RCC1: variants seen among roughly 807,000 people sequenced by gnomAD.
RCC1 encodes the protein regulator of chromosome condensation.
A neutral mutation model predicts 44.4 loss-of-function variants in RCC1; 11 were observed. That is an observed-to-expected ratio of 0.25 (90% confidence interval 0.16 to 0.41). The LOEUF (loss-of-function observed/expected upper bound fraction) is 0.41, where lower values mean the gene tolerates loss of function less well. Ranked by LOEUF, RCC1 falls within the 10% of genes least tolerant of loss-of-function variation. The pLI is 1.00. For synonymous variants in RCC1, 213 were observed against 216.5 expected, an observed-to-expected ratio of 0.98 and a Z score of 0.14; for missense variants, 386 against 547.1, an observed-to-expected ratio of 0.71 and a Z score of 2.94.
At chr1:28,516,963 A>G (rs1662931629) in intron 4 of RCC1, 96 bp downstream of exon 4, 1 of 427,312 alleles carries the variant, frequency 2.3e-6, no homozygotes, top group Non-Finnish European at 4.7e-6. Context: ...TCTACTAAAA[A>G]TACGAAAATT....
chr1:28,514,761 CAAA>C lies in RCC1; in HGVS notation c.-152-1954_-152-1952del, dbSNP rs139010543. On this transcript the variant is annotated intron_variant, in intron 3 of 12. Transcript: ENST00000683442. ...GGGCAACAAGAGCAAAACTCCATCT[CAAA>C]AAAAAAAAACAATCTTCCGGCTGGG... is the stretch of plus-strand genomic sequence containing the variant. 2.2e-3 allele frequency among the ~76,000 whole-genome samples: 287 copies of C among 132,728 alleles called. 1 individual carries two copies. The highest frequency in any genetic ancestry group is 7.6e-3 in the African/African-American group (270 of 35,684). The allele number at this position is 132,728 out of a possible 152,430, so 87.1% of individuals were successfully genotyped here. A position where few individuals can be genotyped will look rare whatever the true frequency, so the allele number is the denominator to read the frequency against.
intron 4 of RCC1, chr1:28,527,133 G>C: frequency 7.8e-7 from 1 of 1,275,450 alleles, no homozygotes; most frequent in South Asian, 1.2e-5. Flanking sequence ...AGAAGCAGCA[G>C]GCCTGAGGGC....
chr1:28,515,195 CAGG>C (rs1557869238), intron 3 of RCC1, among the ~76,000 whole-genome samples: 4 of 152,156 alleles, frequency 2.6e-5, no homozygotes, highest in South Asian at 4.1e-4. Context: ...GAGGCTGAAA[CAGG>C]AGAATTGCTT....
intron 2 of RCC1, chr1:28,508,571 C>T (rs1462812123): frequency 5.8e-6 from 3 of 518,442 alleles, no homozygotes; most frequent in Non-Finnish European, 1.2e-5. Context: ...AACGTGGATA[C>T]CCTGGGAGGT....
At chr1:28,533,364 G>C (rs971145643) in intron 7 of RCC1, among the ~76,000 whole-genome samples, 2 of 151,830 alleles carry the variant, frequency 1.3e-5, no homozygotes, top group African/African-American at 2.4e-5. Context: ...CCAGCTACTC[G>C]GGAGGCTGAG....
At chr1:28,508,103 A>G in intron 1 of RCC1, 25 bp from the exon 2 acceptor site, 1 of 442,310 alleles carries the variant, frequency 2.3e-6, no homozygotes. Flanking sequence ...TTGCTGTACT[A>G]ATAGATTAAT....
In RCC1 at chr1:28,536,654, A is replaced by G. The variant is rs1664572358; in HGVS notation, c.938-93A>G. On this transcript the variant is annotated intron_variant, in intron 11 of 12. Transcript: ENST00000683442. This position sits in a 1 kb window ranked among gnomAD's most constrained non-coding sequence, Gnocchi z 4.9. ...CTGATCGCTCTGGGAGCAGGGACAC[A>G]CTCCCATGGACAGGTGGACTCACCT... 7.0e-7 allele frequency: 1 copy of G among 1,429,796 alleles called. No individual in the cohort carries two copies. The highest frequency in any genetic ancestry group is 9.6e-7 in the Non-Finnish European group (1 of 1,037,676). The allele number at this position is 1,429,796 out of a possible 1,614,324, so 88.6% of individuals were successfully genotyped here. A position where few individuals can be genotyped will look rare whatever the true frequency, so the allele number is the denominator to read the frequency against.
At chr1:28,524,678 C>G (rs1663530350) in intron 4 of RCC1, among the ~76,000 whole-genome samples, 1 of 152,042 alleles carries the variant, frequency 6.6e-6, no homozygotes, top group African/African-American at 2.4e-5. Context: ...GGCAACATGG[C>G]AAGACGTTGT....
At chr1:28,514,367 A>G (rs557272260) in intron 3 of RCC1, among the ~76,000 whole-genome samples, 15 of 149,464 alleles carry the variant, frequency 1.0e-4, no homozygotes, top group South Asian at 6.4e-4. Flanking sequence ...GGAGAATGGC[A>G]TGAACCCAGG....
chr1:28,524,382 C>T (rs766952848), intron 4 of RCC1, among the ~76,000 whole-genome samples: 16 of 152,192 alleles, frequency 1.1e-4, no homozygotes, highest in Non-Finnish European at 2.2e-4. Context: ...TGCCAAGAAT[C>T]CTCTGGACTT....
chr1:28,524,767 G>A (rs766944377), intron 4 of RCC1, among the ~76,000 whole-genome samples: 1 of 151,954 alleles, frequency 6.6e-6, no homozygotes, highest in Non-Finnish European at 1.5e-5. Context: ...GCTCAAGCCC[G>A]GGTGGTTGAG....
chr1:28,535,770 G>T (rs749391850), intron 9 of RCC1, 101 bp from the exon 10 acceptor site: 18 of 1,289,684 alleles, frequency 1.4e-5, no homozygotes, highest in Non-Finnish European at 2.0e-5. Flanking sequence ...TCCCTACTTA[G>T]CCTCTCAAGG....
At chr1:28,507,208 A>AAT (rs149565746) in intron 1 of RCC1, 1 of 389,388 alleles carries the variant, frequency 2.6e-6, no homozygotes, top group Non-Finnish European at 5.1e-6. Flanking sequence ...AGAATAGCTG[A>AAT]ATATGCATGT....
intron 3 of RCC1, chr1:28,509,937 G>A (rs1434889361): frequency 1.3e-5 from 2 of 152,318 alleles, no homozygotes; most frequent in East Asian, 3.9e-4. Context: ...CCTAGCTGAT[G>A]AGTTGTATGA....
chr1:28,536,241 T>C lies in RCC1; in HGVS notation c.818-21T>C. The C allele has an allele frequency of 6.2e-7, 1 of 1,612,356 alleles. No individual in the cohort carries two copies. The highest frequency in any genetic ancestry group is 8.5e-7 in the Non-Finnish European group (1 of 1,179,060). On this transcript the variant is annotated intron_variant, in intron 10 of 12. Transcript: ENST00000683442. This position sits in a 1 kb window ranked among gnomAD's most constrained non-coding sequence, Gnocchi z 4.9. Reference sequence around the variant, plus strand: ...GCTCTCAGAACACCTTCACCCCTGATGGCTCCGGCCTTTCCCCCAGGAACT... The same window carrying C: ...GCTCTCAGAACACCTTCACCCCTGACGGCTCCGGCCTTTCCCCCAGGAACT...
intron 1 of RCC1, chr1:28,506,324 A>G (rs1334427925): frequency 2.4e-6 from 1 of 413,520 alleles, no homozygotes; most frequent in East Asian, 7.5e-5. Flanking sequence ...AGCTGGGATT[A>G]CAGGCACGTG....
In RCC1 at chr1:28,535,010, G is replaced by GTGAAATCA. The variant is rs763016412; in HGVS notation, c.442-40_442-39insTGAAATCA. ...TTCTGGATTTCACTGGCACGGGGCA[G>GTGAAATCA]GCAGGACTGGCTGATAAGTGCCCTG... On this transcript the variant is annotated intron_variant, in intron 7 of 12. Coordinates refer to ENST00000683442, the MANE Select transcript of RCC1 (RefSeq NM_001381865.2). 3.9e-6 allele frequency: 6 copies of GTGAAATCA among 1,544,862 alleles called. No homozygotes were observed. The Admixed American group carries it at 1.0e-4, about 26-fold the overall frequency.
chr1:28,530,489 G>T (rs1244117496), intron 5 of RCC1: 1 of 1,573,546 alleles, frequency 6.4e-7, no homozygotes, highest in South Asian at 1.1e-5. Flanking sequence ...GGGGAAGTGT[G>T]GACCCACGCT....
chr1:28,535,929 G>A lies in RCC1; in HGVS notation c.720G>A (p.Val240=). The A allele has an allele frequency of 6.2e-7, 1 of 1,614,164 alleles. No homozygotes were observed. Reference sequence around the variant, plus strand: ...AATCCAGGGGAAGCCGGGGCCACGTGAGATTCCAGGATGCCTTTTGTGGTG... The same window carrying A: ...AATCCAGGGGAAGCCGGGGCCACGTAAGATTCCAGGATGCCTTTTGTGGTG... ...MLKSRGSRGH[V]RFQDAFCGAY... is the part of the protein sequence containing the mutation. The change falls in exon 10 of 13, where the codon GTG becomes GTA. Residue 240 remains valine, a synonymous_variant. Coordinates refer to ENST00000683442, the MANE Select transcript of RCC1 (RefSeq NM_001381865.2).
Sources: gnomAD v4.1 joint callset for allele counts (sites outside exome capture counted in the v4.1 genomes callset) on GRCh38, gnomAD v4.1.1 for gene constraint, Gnocchi (gnomAD v3.1) non-coding constraint, MANE v1.5 for transcripts, NCBI Gene and HGNC (gene_info 2026-07-23, HGNC 2026-07-21) for gene names.